The following C2orf49 variants were observed in gnomAD, a reference collection of about 807,000 sequenced individuals.
C2orf49 encodes the protein tRNA splicing ligase complex subunit 2.
In C2orf49, 11 loss-of-function variants were observed where a neutral mutation model predicts 20.6. That is an observed-to-expected ratio of 0.53 (90% CI 0.34 to 0.88). The LOEUF is 0.88. C2orf49 is among the 40% of genes least tolerant of loss of function. The pLI is 0.02. For synonymous variants in C2orf49, 134 were observed against 108.5 expected (o/e 1.24, Z -1.46); for missense variants, 289 against 274.2 (o/e 1.05, Z -0.38).
In C2orf49 at chr2:105,343,235, G is replaced by C; in HGVS notation, c.642+12G>C. ...AGGCAGAGGCCATGGTAAGTATGGG[G>C]GTGGTTTCCATGCTGGTAAGTGGTC... On this transcript the variant is annotated intron_variant, in intron 3 of 3. Transcript: ENST00000258457. The C allele has an allele frequency of 1.9e-6, 3 of 1,555,140 alleles. No homozygotes were observed. Among genetic ancestry groups the C allele is most frequent in the Non-Finnish European group, 2.6e-6 (3 of 1,157,552 alleles).
rs759596430 is a variant in C2orf49 at position 105,343,025 on chromosome 2, T to G, written c.444T>G (p.Ser148Arg). The change falls in exon 3 of 4, where the codon AGT (serine) becomes AGG (arginine). Residue 148 changes from serine (S) to arginine (R), a missense_variant. Physicochemically the swap from Ser to Arg is moderately radical, Grantham distance 110 (BLOSUM62 -1). Coordinates refer to ENST00000258457, the MANE Select transcript of C2orf49 (RefSeq NM_024093.3). ...GAAAATTATCAAATTCCTCTTCGAG[T>G]GTTTCACCCCTAATTTTGTCTTCCA... ...AFRKLSNSSS[S>R]VSPLILSSNL... The G allele has an allele frequency of 3.1e-6, 5 of 1,614,200 alleles. No individual in the cohort carries two copies. Among genetic ancestry groups the G allele is most frequent in the Admixed American group, 3.3e-5 (2 of 60,022 alleles).
chr2:105,340,512 G>A (rs1440994890), intron 2 of C2orf49, among the ~76,000 whole-genome samples: 1 of 152,174 alleles, frequency 6.6e-6, no homozygotes, highest in East Asian at 1.9e-4. Context: ...GTATTTTGAA[G>A]ATAGAGCCAA....
In C2orf49 at chr2:105,343,948, TTTA is replaced by T. The variant is rs1304350834; in HGVS notation, c.642+736_642+738del. 5.3e-5 allele frequency among the ~76,000 whole-genome samples: 8 copies of T among 151,976 alleles called. No homozygotes were observed. In the South Asian group the frequency reaches 6.2e-4, roughly 12 times the overall value. The stretch of plus-strand genomic sequence containing the variant: ...CCATTATTCTGTAGAATACTTTGCC[TTTA>T]TTATTATTATCATCTAATCATGTAT... On this transcript the variant is annotated intron_variant, in intron 3 of 3. Transcript: ENST00000258457.
downstream of C2orf49, among the ~76,000 whole-genome samples, chr2:105,350,337 C>T (rs556314794): frequency 3.3e-4 from 51 of 152,272 alleles, no homozygotes; most frequent in African/African-American, 1.2e-3. Context: ...TGAATGAAAA[C>T]GGGCAGTGGT....
chr2:105,363,440 T>G, the C2orf49 span: 2 of 1,611,730 alleles, frequency 1.2e-6, no homozygotes, highest in Non-Finnish European at 1.7e-6. Context: ...CCAGGGCTGC[T>G]CCCGGTAAGT....
chr2:105,342,215 T>C (rs545313161), intron 2 of C2orf49, among the ~76,000 whole-genome samples: 6 of 152,228 alleles, frequency 3.9e-5, no homozygotes, highest in East Asian at 1.9e-4. Flanking sequence ...ATAGGTGATA[T>C]AGATATTATC....
chr2:105,349,400 T>C (rs181815960), downstream of C2orf49, among the ~76,000 whole-genome samples: 670 of 152,300 alleles, frequency 4.4e-3, 7 homozygotes, highest in African/African-American at 0.015. Flanking sequence ...CAGCTTCTAC[T>C]TTGTACTTAA....
the C2orf49 span, chr2:105,378,001 A>G: frequency 4.3e-6 from 2 of 463,104 alleles, no homozygotes; most frequent in African/African-American, 2.0e-5. Context: ...CTGACCTTCA[A>G]GAAAAACTGA....
intron 1 of C2orf49, 110 bp from the exon 2 acceptor site, chr2:105,339,473 T>A (rs1339408780): frequency 2.8e-6 from 3 of 1,064,952 alleles, no homozygotes; most frequent in Non-Finnish European, 4.1e-6. Context: ...TGAAAATGGC[T>A]TTTTATAATT....
At chr2:105,370,545 C>T in the C2orf49 span, among the ~76,000 whole-genome samples, 385 of 152,250 alleles carry the variant, frequency 2.5e-3, 1 homozygote, top group Non-Finnish European at 4.2e-3. Context: ...ATTCCAGTTT[C>T]CTGATTGGTC....
chr2:105,337,616 G>T lies in C2orf49; in HGVS notation c.29G>T (p.Cys10Phe), dbSNP rs1679535999. The T allele has an allele frequency of 4.3e-6, 7 of 1,612,284 alleles. No individual in the cohort carries two copies. The highest frequency in any genetic ancestry group is 5.9e-6 in the Non-Finnish European group (7 of 1,179,582). The change falls in exon 1 of 4, where the codon TGC (cysteine) becomes TTC (phenylalanine). Residue 10 changes from cysteine (C) to phenylalanine (F), a missense_variant. Physicochemically the swap from Cys to Phe is radical, Grantham distance 205. Coordinates refer to ENST00000258457, the MANE Select transcript of C2orf49 (RefSeq NM_024093.3). ...GCGGGGGATGTGGGCGGTCGCAGCT[G>T]CACGGACTCGGAACTGCTGCTGCAC... Reference protein sequence around the residue: MAGDVGGRSCTDSELLLHPE... With the variant: MAGDVGGRSFTDSELLLHPE...
intron 1 of C2orf49, among the ~76,000 whole-genome samples, chr2:105,339,054 C>T (rs1007730912): frequency 5.9e-5 from 9 of 152,154 alleles, no homozygotes; most frequent in African/African-American, 2.2e-4. Flanking sequence ...GTCGTCAGTA[C>T]GGGAATAACA....
intron 3 of C2orf49, among the ~76,000 whole-genome samples, chr2:105,344,261 C>T (rs1202157390): frequency 2.0e-5 from 3 of 152,160 alleles, no homozygotes; most frequent in African/African-American, 7.2e-5. Flanking sequence ...GGCCATGCTT[C>T]GTCCATACTC....
In C2orf49 at chr2:105,347,679, G is replaced by A. The variant is rs562738072; in HGVS notation, c.*2308G>A. 3 of 152,310 alleles carry A rather than the reference G, an allele frequency of 2.0e-5. No homozygotes were observed. Among genetic ancestry groups the A allele is most frequent in the East Asian group, 3.9e-4 (2 of 5,186 alleles). The allele number at this position is 152,310 out of a possible 1,614,324, so 9.4% of individuals were successfully genotyped here. A position where few individuals can be genotyped will look rare whatever the true frequency, so the allele number is the denominator to read the frequency against. ...TTCCTTCTGAAGGTGTATAGATACA[G>A]CTTGTCTTGAAATGTCTTTCTCCAC... On this transcript the variant is annotated 3_prime_UTR_variant, in exon 4 of 4. Coordinates refer to ENST00000258457, the MANE Select transcript of C2orf49 (RefSeq NM_024093.3).
chr2:105,375,986 T>C, the C2orf49 span: 2 of 152,202 alleles, frequency 1.3e-5, no homozygotes, highest in Admixed American at 1.3e-4. Flanking sequence ...TGTGAACTCA[T>C]GAGAAACAGC....
intron 2 of C2orf49, 129 bp from the exon 3 acceptor site, chr2:105,342,719 A>G: frequency 1.2e-6 from 1 of 868,010 alleles, no homozygotes; most frequent in Non-Finnish European, 1.7e-6. Context: ...AGAAAATTTC[A>G]TTTTTAATAG....
Position 105,346,768 on chromosome 2 carries a change from T to C in C2orf49, c.*1397T>C, listed in dbSNP as rs1305742942. ...ATAGACAATTCCCACATGGCTGTTC[T>C]ACACAGAATTACCTGCTAAGATTTT... On this transcript the variant is annotated 3_prime_UTR_variant, in exon 4 of 4. Coordinates refer to ENST00000258457, the MANE Select transcript of C2orf49 (RefSeq NM_024093.3). 6.6e-6 allele frequency: 1 copy of C among 152,230 alleles called. No homozygotes were observed. The highest frequency in any genetic ancestry group is 1.5e-5 in the Non-Finnish European group (1 of 68,042). 9.4% of individuals were successfully genotyped at this position (152,230 alleles called of 1,614,324 possible). A position where few individuals can be genotyped will look rare whatever the true frequency, so the allele number is the denominator to read the frequency against.
chr2:105,374,591 C>T, the C2orf49 span: 2 of 151,764 alleles, frequency 1.3e-5, no homozygotes, highest in Non-Finnish European at 2.9e-5. Flanking sequence ...GAGAGAGGCC[C>T]TGAGAAGACA....
intron 2 of C2orf49, among the ~76,000 whole-genome samples, chr2:105,340,375 G>A (rs1254709999): frequency 6.6e-6 from 1 of 152,164 alleles, no homozygotes; most frequent in Non-Finnish European, 1.5e-5. Flanking sequence ...TAAGGTGTGT[G>A]GGGAGGGGAA....
Sources: allele counts gnomAD v4.1 joint callset (sites outside exome capture counted in the v4.1 genomes callset), GRCh38; gene constraint gnomAD v4.1.1; transcripts MANE v1.5; gene names NCBI Gene and HGNC (gene_info 2026-07-23, HGNC 2026-07-21).